CCDC91: variants seen among roughly 807,000 people sequenced by gnomAD.
CCDC91 encodes the protein coiled-coil domain-containing protein 91.
Under a neutral mutation model 63.2 loss-of-function variants are expected in CCDC91, and 48 were observed. The ratio of observed to expected loss-of-function variants is 0.76; its 90% CI spans 0.60 to 0.97. CCDC91 has a LOEUF of 0.97. Among genes scored for constraint, CCDC91 ranks in the 50% least tolerant of loss-of-function variants. The pLI is 0.00. For missense variants in CCDC91, 500 were observed against 494.6 expected, an observed-to-expected ratio of 1.01 and a Z score of -0.10; for synonymous variants, 167 against 165.8, an observed-to-expected ratio of 1.01 and a Z score of -0.06.
chr12:28,549,143 A>C lies in CCDC91; in HGVS notation c.1296A>C (p.Leu432Phe). The change falls in exon 13 of 13, where the codon TTA becomes TTC. Residue 432 changes from leucine (L) to phenylalanine (F), a missense_variant. Leu to Phe is a conservative substitution (Grantham distance 22). Transcript: ENST00000536442. Reference sequence around the variant, plus strand: ...GTGCACAGAAACAGTTAAGTGCTTTAATAGCTACGGAACCAGTTGACATTG... The same window carrying C: ...GTGCACAGAAACAGTTAAGTGCTTTCATAGCTACGGAACCAGTTGACATTG... ...LSCAQKQLSA[L>F]IATEPVDIE 7 of 1,611,146 alleles carry C rather than the reference A, an allele frequency of 4.3e-6. No individual in the cohort carries two copies. The highest frequency in any genetic ancestry group is 5.9e-6 in the Non-Finnish European group (7 of 1,177,578).
intron 6 of CCDC91, among the ~76,000 whole-genome samples, chr12:28,310,732 GT>G (rs1317009604): frequency 6.6e-6 from 1 of 151,844 alleles, no homozygotes. Context: ...CCAATTCTTT[GT>G]TTTTTATTTG....
intron 8 of CCDC91, among the ~76,000 whole-genome samples, chr12:28,418,873 C>T (rs756373109): frequency 6.6e-6 from 1 of 151,988 alleles, no homozygotes; most frequent in Non-Finnish European, 1.5e-5. Context: ...AGTTGAATAT[C>T]TACCATCAAA....
At chr12:28,195,884 C>T (rs567383463) in intron 1 of CCDC91, among the ~76,000 whole-genome samples, 12 of 152,196 alleles carry the variant, frequency 7.9e-5, no homozygotes, top group East Asian at 5.8e-4. Context: ...GTGGGAGGAT[C>T]GCTTGAGCCC....
At chr12:28,343,051 A>G (rs1942548838) in intron 6 of CCDC91, among the ~76,000 whole-genome samples, 1 of 152,038 alleles carries the variant, frequency 6.6e-6, no homozygotes, top group Non-Finnish European at 1.5e-5. Context: ...TGTTTTGTGT[A>G]GTCAGGGATA....
At chr12:28,370,239 A>C (rs1191355322) in intron 7 of CCDC91, among the ~76,000 whole-genome samples, 1 of 152,210 alleles carries the variant, frequency 6.6e-6, no homozygotes, top group Non-Finnish European at 1.5e-5. Context: ...ATGACTGTGC[A>C]CTTTCAGAAA....
chr12:28,262,609 A>T (rs1946899246), intron 3 of CCDC91, among the ~76,000 whole-genome samples: 1 of 152,018 alleles, frequency 6.6e-6, no homozygotes, highest in South Asian at 2.1e-4. Flanking sequence ...TTACATAGTG[A>T]ACTCTTAAAA....
intron 6 of CCDC91, among the ~76,000 whole-genome samples, chr12:28,322,285 G>C (rs576333873): frequency 1.3e-5 from 2 of 151,954 alleles, no homozygotes; most frequent in Admixed American, 6.6e-5. Flanking sequence ...TGCAGAATCT[G>C]AAGAAAAGCA....
chr12:28,546,831 T>TA (rs1204802490), intron 12 of CCDC91, among the ~76,000 whole-genome samples: 12 of 152,158 alleles, frequency 7.9e-5, no homozygotes, highest in Admixed American at 2.6e-4. Flanking sequence ...AATTTGGCAA[T>TA]ATGTATCACA....
intron 12 of CCDC91, 33 bp downstream of exon 12, chr12:28,484,198 T>C: frequency 8.3e-7 from 1 of 1,198,264 alleles, no homozygotes; most frequent in Non-Finnish European, 1.2e-6. Context: ...TAATTTGTGC[T>C]TCAATAAACT....
chr12:28,338,710 G>T (rs1382541656), intron 6 of CCDC91, among the ~76,000 whole-genome samples: 1 of 152,136 alleles, frequency 6.6e-6, no homozygotes, highest in Non-Finnish European at 1.5e-5. Flanking sequence ...ACACTGTATA[G>T]GGTGGGGAGA....
At chr12:28,199,342 T>C (rs1942030641) in intron 1 of CCDC91, among the ~76,000 whole-genome samples, 1 of 152,196 alleles carries the variant, frequency 6.6e-6, no homozygotes, top group Non-Finnish European at 1.5e-5. Context: ...ATTTTGTTCC[T>C]ATATATTCCC....
intron 8 of CCDC91, among the ~76,000 whole-genome samples, chr12:28,432,469 A>G (rs1368397785): frequency 6.6e-6 from 1 of 152,022 alleles, no homozygotes; most frequent in Non-Finnish European, 1.5e-5. Flanking sequence ...CTCTTTCTCT[A>G]GCCTGCTGCC....
intron 12 of CCDC91, among the ~76,000 whole-genome samples, chr12:28,542,866 C>G (rs1942727617): frequency 6.6e-6 from 1 of 152,008 alleles, no homozygotes; most frequent in African/African-American, 2.4e-5. Context: ...AAACACTACT[C>G]TGATATATGA....
At chr12:28,411,144 G>A (rs1411293601) in intron 8 of CCDC91, among the ~76,000 whole-genome samples, 1 of 152,066 alleles carries the variant, frequency 6.6e-6, no homozygotes, top group Non-Finnish European at 1.5e-5. Context: ...TAGTTCCACT[G>A]TGGTTACTTT....
chr12:28,440,750 C>T (rs1165930142), intron 8 of CCDC91, among the ~76,000 whole-genome samples: 2 of 151,878 alleles, frequency 1.3e-5, no homozygotes, highest in Admixed American at 6.6e-5. Flanking sequence ...AATATATGAA[C>T]AGCAGGCTTA....
At chr12:28,297,171 CAG>C (rs1282283703) in intron 3 of CCDC91, among the ~76,000 whole-genome samples, 5 of 151,790 alleles carry the variant, frequency 3.3e-5, no homozygotes, top group Admixed American at 1.3e-4. Flanking sequence ...CAGAGATAAA[CAG>C]ATTTTTTTGG....
At chr12:28,533,078 TG>T (rs988072470) in intron 12 of CCDC91, among the ~76,000 whole-genome samples, 2 of 152,146 alleles carry the variant, frequency 1.3e-5, no homozygotes, top group Admixed American at 1.3e-4. Context: ...ATGCCCTATT[TG>T]GGCACTGTTG....
intron 7 of CCDC91, among the ~76,000 whole-genome samples, chr12:28,382,525 T>G (rs984839096): frequency 1.3e-5 from 2 of 152,032 alleles, no homozygotes; most frequent in Non-Finnish European, 2.9e-5. Flanking sequence ...GAAGAAACTC[T>G]TCTTCTCCTC....
chr12:28,498,369 T>C (rs1481883568), intron 12 of CCDC91, among the ~76,000 whole-genome samples: 1 of 151,612 alleles, frequency 6.6e-6, no homozygotes, highest in Non-Finnish European at 1.5e-5. Context: ...GTTCTTCTCA[T>C]GTCAAGAGCA....
Sources: gnomAD v4.1 joint callset for allele counts (sites outside exome capture counted in the v4.1 genomes callset) on GRCh38, gnomAD v4.1.1 for gene constraint, MANE v1.5 for transcripts, NCBI Gene and HGNC (gene_info 2026-07-23, HGNC 2026-07-21) for gene names.